Variants in CFAP119 observed in about 807,000 individuals in gnomAD.
The protein encoded by CFAP119 is cilia and flagella associated protein 119.
At chr16:30,761,303 A>C in the CFAP119 span, 1 of 1,597,468 alleles carries the variant, frequency 6.3e-7, no homozygotes, top group Non-Finnish European at 8.6e-7. Flanking sequence ...CAGGCCGGAG[A>C]AGCCGCTGTA....
the CFAP119 span, chr16:30,759,299 A>C: frequency 2.5e-6 from 4 of 1,612,486 alleles, no homozygotes; most frequent in East Asian, 2.2e-5. Flanking sequence ...TGCTGAGGGG[A>C]GGGGCGGTTG....
chr16:30,759,963 AT>A, the CFAP119 span: 1 of 1,450,840 alleles, frequency 6.9e-7, no homozygotes, highest in Non-Finnish European at 9.0e-7. Context: ...TTCTAGGGGA[AT>A]AAACCAAGAA....
At chr16:30,761,429 C>A in the CFAP119 span, 2 of 1,469,864 alleles carry the variant, frequency 1.4e-6, no homozygotes, top group Non-Finnish European at 1.9e-6. Context: ...CCTGCCTCTC[C>A]TCGCCCAAGC....
the CFAP119 span, chr16:30,762,051 G>C: frequency 2.2e-6 from 1 of 464,366 alleles, no homozygotes; most frequent in South Asian, 3.1e-5. Context: ...CTCTCTTCCA[G>C]GTTGCTAATA....
the CFAP119 span, chr16:30,760,095 G>A: frequency 3.3e-6 from 5 of 1,538,280 alleles, no homozygotes; most frequent in Non-Finnish European, 4.4e-6. Context: ...CCTGTAAAAT[G>A]TGTGCTGTAT....
At chr16:30,759,247 C>G in the CFAP119 span, 3 of 1,614,006 alleles carry the variant, frequency 1.9e-6, no homozygotes, top group Admixed American at 1.7e-5. Context: ...TCCAGCCGCA[C>G]CTGGGAAGCA....
At chr16:30,760,450 C>T in the CFAP119 span, 4 of 1,613,936 alleles carry the variant, frequency 2.5e-6, no homozygotes, top group Non-Finnish European at 2.5e-6. Flanking sequence ...GCTCAGCCAG[C>T]ACCCTTGGGA....
chr16:30,759,414 C>T, the CFAP119 span: 22 of 1,614,100 alleles, frequency 1.4e-5, no homozygotes, highest in Admixed American at 3.2e-4. Context: ...CTTCCAAGGC[C>T]AGCAGCTGTT....
At chr16:30,757,430 A>G in the CFAP119 span, 1 of 1,588,810 alleles carries the variant, frequency 6.3e-7, no homozygotes, top group East Asian at 2.2e-5. Context: ...GGGTGCAGGG[A>G]TGGTGCCATT....
chr16:30,761,037 C>T, the CFAP119 span: 1 of 734,988 alleles, frequency 1.4e-6, no homozygotes, highest in Non-Finnish European at 2.2e-6. Context: ...CCTCTTTGGA[C>T]TGGAGAGGCT....
chr16:30,758,754 G>A, the CFAP119 span: 19 of 520,228 alleles, frequency 3.7e-5, no homozygotes, highest in African/African-American at 1.9e-4. Context: ...GGGGTTTCAC[G>A]GTGTTGCCCA....
the CFAP119 span, chr16:30,761,382 C>T: frequency 2.2e-6 from 3 of 1,389,048 alleles, no homozygotes; most frequent in Admixed American, 1.8e-5. Flanking sequence ...GCCCTAGGTG[C>T]TCTACGCGAG....
the CFAP119 span, chr16:30,759,907 C>T: frequency 3.3e-5 from 47 of 1,439,722 alleles, no homozygotes; most frequent in East Asian, 1.5e-4. Context: ...GTATGGTTTT[C>T]GGCACTGAAC....
chr16:30,760,168 A>G, the CFAP119 span: 3 of 1,595,912 alleles, frequency 1.9e-6, no homozygotes, highest in Non-Finnish European at 2.5e-6. Context: ...TGATGATGCT[A>G]CTAATAATGA....
the CFAP119 span, chr16:30,757,687 G>A: frequency 6.3e-7 from 1 of 1,578,520 alleles, no homozygotes; most frequent in East Asian, 2.3e-5. Context: ...GCAGGGTGAG[G>A]AGAGATGCTG....
the CFAP119 span, chr16:30,761,175 A>C: frequency 6.2e-7 from 1 of 1,612,906 alleles, no homozygotes; most frequent in Non-Finnish European, 8.5e-7. Flanking sequence ...TATTCAGTGT[A>C]ATTTTTGTCT....
the CFAP119 span, chr16:30,761,034 G>A: frequency 2.8e-6 from 2 of 718,322 alleles, no homozygotes; most frequent in South Asian, 1.9e-5. Context: ...CCTCCTCTTT[G>A]GACTGGAGAG....
the CFAP119 span, chr16:30,759,255 G>A: frequency 5.0e-6 from 8 of 1,614,172 alleles, no homozygotes; most frequent in East Asian, 1.6e-4. Context: ...CACCTGGGAA[G>A]CAAGGCAGAG....
chr16:30,761,403 A>G, the CFAP119 span: 12 of 1,378,868 alleles, frequency 8.7e-6, no homozygotes, highest in Non-Finnish European at 1.2e-5. Flanking sequence ...CACAGTAACC[A>G]CCGGGGTCAC....
Sources: allele counts gnomAD v4.1 joint callset, GRCh38; gene constraint gnomAD v4.1.1; transcripts MANE v1.5; gene names NCBI Gene and HGNC (gene_info 2026-07-23, HGNC 2026-07-21).